ATRNL1: variants seen among roughly 807,000 people sequenced by gnomAD.
The protein encoded by ATRNL1 is attractin like 1, also known as attractin-like protein 1.
ATRNL1 carries 95 observed loss-of-function variants against 182.7 expected under a neutral mutation model. That is an observed-to-expected ratio of 0.52 (90% CI 0.44 to 0.62). The LOEUF is 0.62. Among genes scored for constraint, ATRNL1 ranks in the 20% least tolerant of loss-of-function variants. The probability of loss-of-function intolerance (pLI) is 0.00; values close to 1 mark genes in which losing one functional copy is unlikely to be tolerated. For missense variants in ATRNL1, 1,471 were observed against 1,679.5 expected (o/e 0.88, Z 2.17); for synonymous variants, 576 against 568.3 (o/e 1.01, Z -0.19).
intron 24 of ATRNL1, among the ~76,000 whole-genome samples, chr10:115,486,230 G>C (rs1554975108): frequency 6.6e-6 from 1 of 152,092 alleles, no homozygotes; most frequent in Non-Finnish European, 1.5e-5. Flanking sequence ...CTCTATAATA[G>C]AATGATTTAT....
intron 25 of ATRNL1, among the ~76,000 whole-genome samples, chr10:115,544,011 A>G (rs1362304066): frequency 1.3e-5 from 2 of 151,880 alleles, no homozygotes; most frequent in East Asian, 3.9e-4. Context: ...TTTTTTTTGA[A>G]AAAGAAAGCC....
chr10:115,294,893 G>T (rs527302661), intron 15 of ATRNL1, among the ~76,000 whole-genome samples: 1 of 152,314 alleles, frequency 6.6e-6, no homozygotes, highest in African/African-American at 2.4e-5. Context: ...AAGAGAGTTT[G>T]TAGCAGTGGT....
chr10:115,128,104 T>C (rs1845054167), intron 4 of ATRNL1, among the ~76,000 whole-genome samples: 1 of 152,210 alleles, frequency 6.6e-6, no homozygotes, highest in African/African-American at 2.4e-5. Flanking sequence ...GCTAAGTTTT[T>C]GTAGTCCCTA....
intron 26 of ATRNL1, among the ~76,000 whole-genome samples, chr10:115,606,700 A>G (rs1431787169): frequency 6.6e-6 from 1 of 152,076 alleles, no homozygotes; most frequent in Non-Finnish European, 1.5e-5. Flanking sequence ...TTTCTATGAC[A>G]GTATTATACA....
intron 10 of ATRNL1, among the ~76,000 whole-genome samples, chr10:115,254,862 A>C (rs1471262257): frequency 6.6e-6 from 1 of 152,182 alleles, no homozygotes; most frequent in Admixed American, 6.5e-5. Context: ...ATGGCTAGCC[A>C]GTTTTCCCAG....
intron 5 of ATRNL1, among the ~76,000 whole-genome samples, chr10:115,144,594 A>G (rs1845896306): frequency 2.0e-5 from 3 of 152,238 alleles, no homozygotes; most frequent in Admixed American, 2.0e-4. Context: ...TGCCTGGGCC[A>G]TGAAAATTCT....
At chr10:115,815,461 A>G (rs1555088314) in intron 27 of ATRNL1, among the ~76,000 whole-genome samples, 1 of 114,672 alleles carries the variant, frequency 8.7e-6, no homozygotes, top group East Asian at 2.7e-4. Flanking sequence ...GTATTGTAAT[A>G]TAGAATATGC....
chr10:115,223,147 G>A (rs565917467), intron 9 of ATRNL1, among the ~76,000 whole-genome samples: 1 of 152,238 alleles, frequency 6.6e-6, no homozygotes, highest in African/African-American at 2.4e-5. Context: ...CAGGCATGGT[G>A]GCATGTGCTT....
chr10:115,351,742 G>GTTGTTTTGTTTTGTTT (rs1554941414), intron 19 of ATRNL1, among the ~76,000 whole-genome samples: 1 of 149,742 alleles, frequency 6.7e-6, no homozygotes, highest in Non-Finnish European at 1.5e-5. Context: ...TTCTTTTCTT[G>GTTGTTTTGTTTTGTTT]TGTTTTGTTT....
At chr10:115,398,643 G>T (rs547692380) in intron 20 of ATRNL1, among the ~76,000 whole-genome samples, 1 of 152,034 alleles carries the variant, frequency 6.6e-6, no homozygotes, top group African/African-American at 2.4e-5. Flanking sequence ...GGATCATGTT[G>T]TCTGCAAGCA....
At chr10:115,926,185 A>C (rs934550191) in intron 28 of ATRNL1, among the ~76,000 whole-genome samples, 23 of 152,358 alleles carry the variant, frequency 1.5e-4, no homozygotes, top group African/African-American at 5.5e-4. Context: ...ATTAAGGCAG[A>C]AATCAAGAAG....
At chr10:115,177,702 T>G (rs1847570909) in intron 8 of ATRNL1, among the ~76,000 whole-genome samples, 1 of 151,998 alleles carries the variant, frequency 6.6e-6, no homozygotes, top group South Asian at 2.1e-4. Flanking sequence ...CTCGCACTCC[T>G]GACCTCAAGA....
chr10:115,427,835 T>C (rs2134400887), intron 21 of ATRNL1, among the ~76,000 whole-genome samples: 1 of 152,136 alleles, frequency 6.6e-6, no homozygotes, highest in South Asian at 2.1e-4. Flanking sequence ...ATTTTATAAG[T>C]CCTGAAATCG....
At chr10:115,229,879 G>A (rs1554899566) in intron 9 of ATRNL1, among the ~76,000 whole-genome samples, 1 of 152,108 alleles carries the variant, frequency 6.6e-6, no homozygotes, top group East Asian at 1.9e-4. Context: ...ATGATAGTAT[G>A]TATATATAGT....
intron 19 of ATRNL1, among the ~76,000 whole-genome samples, chr10:115,338,381 A>G (rs782325940): frequency 1.3e-5 from 2 of 152,146 alleles, no homozygotes; most frequent in Non-Finnish European, 2.9e-5. Flanking sequence ...TGTTTTCTCC[A>G]CATCCTCACA....
intron 28 of ATRNL1, among the ~76,000 whole-genome samples, chr10:115,880,555 C>T (rs1478992967): frequency 2.6e-5 from 4 of 152,060 alleles, no homozygotes; most frequent in East Asian, 1.9e-4. Context: ...ACCCAGTGGG[C>T]GGAGGTTGCA....
Position 115,947,919 on chromosome 10 carries a change from C to T in ATRNL1, c.*3140C>T, listed in dbSNP as rs1953911808. The T allele has an allele frequency of 6.6e-6, 1 of 152,222 alleles. No homozygotes were observed. The highest frequency in any genetic ancestry group is 1.5e-5 in the Non-Finnish European group (1 of 68,038). The allele number at this position is 152,222 out of a possible 1,614,324, so 9.4% of individuals were successfully genotyped here. A position where few individuals can be genotyped will look rare whatever the true frequency, so the allele number is the denominator to read the frequency against. On this transcript the variant is annotated 3_prime_UTR_variant, in exon 29 of 29. Coordinates refer to ENST00000355044, the MANE Select transcript of ATRNL1 (RefSeq NM_207303.4). ...GAGGCATTGCGAGGCTAGATGGTAA[C>T]ACACAGAAAGCTCCCACAGTGGGAC...
intron 15 of ATRNL1, among the ~76,000 whole-genome samples, chr10:115,290,549 C>G (rs901498200): frequency 6.6e-5 from 10 of 152,014 alleles, no homozygotes; most frequent in African/African-American, 2.2e-4. Context: ...CCAGCCACTT[C>G]CGAGGCTGAG....
At chr10:115,804,000 A>G (rs1949860180) in intron 27 of ATRNL1, among the ~76,000 whole-genome samples, 3 of 152,192 alleles carry the variant, frequency 2.0e-5, no homozygotes, top group Admixed American at 6.5e-5. Flanking sequence ...CTGACATTTA[A>G]TTAGTTTTTA....
Sources: gnomAD v4.1 joint callset for allele counts (sites outside exome capture counted in the v4.1 genomes callset) on GRCh38, gnomAD v4.1.1 for gene constraint, MANE v1.5 for transcripts, NCBI Gene and HGNC (gene_info 2026-07-23, HGNC 2026-07-21) for gene names.